ROBO2: variants seen among roughly 807,000 people sequenced by gnomAD.
ROBO2 encodes the protein roundabout guidance receptor 2.
A neutral mutation model predicts 160.8 loss-of-function variants in ROBO2; 53 were observed. The ratio of observed to expected loss-of-function variants is 0.33; its 90% CI spans 0.26 to 0.41. ROBO2 has a LOEUF of 0.41. Among genes scored for constraint, ROBO2 ranks in the 10% least tolerant of loss-of-function variants. The pLI is 1.00. For missense variants in ROBO2, 1,577 were observed against 1,722.4 expected, an observed-to-expected ratio of 0.92 and a Z score of 1.49; for synonymous variants, 664 against 611.7, an observed-to-expected ratio of 1.09 and a Z score of -1.26.
chr3:76,807,300 A>G (rs947838349), intron 2 of ROBO2, among the ~76,000 whole-genome samples: 2 of 152,046 alleles, frequency 1.3e-5, no homozygotes, highest in Non-Finnish European at 2.9e-5. Flanking sequence ...AGGACCCTGT[A>G]ACAAATTAGT....
chr3:77,093,330 TC>T (rs748034142), intron 1 of ROBO2, among the ~76,000 whole-genome samples: 35 of 152,146 alleles, frequency 2.3e-4, no homozygotes, highest in Non-Finnish European at 4.1e-4. Context: ...TCATGGCACT[TC>T]CTGTGATGAA....
At chr3:76,491,086 A>G (rs1374828275) in intron 2 of ROBO2, among the ~76,000 whole-genome samples, 1 of 151,924 alleles carries the variant, frequency 6.6e-6, no homozygotes, top group Non-Finnish European at 1.5e-5. Context: ...CAGCCTCCTA[A>G]GTAGCTGGGA....
intron 2 of ROBO2, among the ~76,000 whole-genome samples, chr3:75,997,747 C>A (rs2065773604): frequency 6.6e-6 from 1 of 152,066 alleles, no homozygotes; most frequent in African/African-American, 2.4e-5. Context: ...CCCACCTTGG[C>A]CTCCCAAAGT....
chr3:77,493,100 G>A (rs545590505), intron 4 of ROBO2, 144 bp from the exon 5 acceptor site: 102 of 749,498 alleles, frequency 1.4e-4, no homozygotes, highest in Non-Finnish European at 2.0e-4. Context: ...GATTCACAAG[G>A]CCTTATTAAA....
intron 2 of ROBO2, among the ~76,000 whole-genome samples, chr3:77,106,855 C>T (rs969275611): frequency 3.3e-5 from 5 of 151,964 alleles, no homozygotes; most frequent in Non-Finnish European, 7.4e-5. Flanking sequence ...GTCACTGTCT[C>T]CCAAAAAATA....
chr3:76,861,861 G>T (rs976684755), intron 2 of ROBO2, among the ~76,000 whole-genome samples: 1 of 152,128 alleles, frequency 6.6e-6, no homozygotes, highest in Non-Finnish European at 1.5e-5. Flanking sequence ...TTAATTGACT[G>T]CTGTGTCATA....
Position 77,290,504 on chromosome 3 carries a change from A to T in ROBO2, c.389-186910A>T, listed in dbSNP as rs1179682219. ...TAGAGCACTAAAGACATAAAGTAAAATTGACGGTTAAACGGGTAATCTGAG... is the reference window on the plus strand; with the variant it reads ...TAGAGCACTAAAGACATAAAGTAAATTTGACGGTTAAACGGGTAATCTGAG... On this transcript the variant is annotated intron_variant, in intron 2 of 25. Transcript: ENST00000461745. Among the ~76,000 whole-genome samples the T allele has an allele frequency of 2.2e-4, 2 of 9,246 alleles. 1 individual carries two copies. The highest frequency in any genetic ancestry group is 3.0e-4 in the African/African-American group (2 of 6,582). 6.1% of individuals were successfully genotyped at this position (9,246 alleles called of 152,430 possible).
intron 2 of ROBO2, among the ~76,000 whole-genome samples, chr3:77,447,945 G>C (rs1001114253): frequency 6.6e-6 from 1 of 152,060 alleles, no homozygotes; most frequent in African/African-American, 2.4e-5. Context: ...CTTGCTCATT[G>C]TACATAAAGA....
chr3:77,005,732 A>G (rs2061546767), intron 2 of ROBO2, among the ~76,000 whole-genome samples: 1 of 152,190 alleles, frequency 6.6e-6, no homozygotes, highest in Non-Finnish European at 1.5e-5. Flanking sequence ...ATGATTTCTG[A>G]GGAAACCCGA....
intron 2 of ROBO2, among the ~76,000 whole-genome samples, chr3:76,661,645 C>T (rs910562888): frequency 2.0e-5 from 3 of 152,066 alleles, no homozygotes; most frequent in Admixed American, 6.6e-5. Flanking sequence ...AGAGTTGTTT[C>T]GTCCAAAGAG....
intron 1 of ROBO2, among the ~76,000 whole-genome samples, chr3:77,046,381 A>C (rs1179323474): frequency 6.6e-6 from 1 of 152,200 alleles, no homozygotes; most frequent in African/African-American, 2.4e-5. Context: ...TTGTCTTCTA[A>C]GTCTTCCTCA....
chr3:76,516,327 A>C (rs1284015237), intron 2 of ROBO2, among the ~76,000 whole-genome samples: 1 of 152,174 alleles, frequency 6.6e-6, no homozygotes, highest in African/African-American at 2.4e-5. Flanking sequence ...GTTCATACCA[A>C]GAATGAATCT....
chr3:77,237,521 TC>T (rs2088251996), intron 2 of ROBO2, among the ~76,000 whole-genome samples: 1 of 151,290 alleles, frequency 6.6e-6, no homozygotes. Flanking sequence ...CACCTTGGGC[TC>T]CCAAAATGTT....
intron 1 of ROBO2, among the ~76,000 whole-genome samples, chr3:77,056,038 A>G (rs2065710863): frequency 6.6e-6 from 1 of 152,236 alleles, no homozygotes; most frequent in African/African-American, 2.4e-5. Flanking sequence ...TATCTCACAC[A>G]AAGAGAAAAA....
chr3:77,187,741 C>T (rs1279749577), intron 2 of ROBO2, among the ~76,000 whole-genome samples: 1 of 151,482 alleles, frequency 6.6e-6, no homozygotes, highest in Non-Finnish European at 1.5e-5. Context: ...ATTTTCAGTC[C>T]CCAAAAGTTC....
rs745320885 is a variant in ROBO2 at position 77,596,791 on chromosome 3, CTCTCT to C, written c.2854+43_2854+47del. 4.2e-5 allele frequency: 64 copies of C among 1,523,278 alleles called. No homozygotes were observed. In the Admixed American group the frequency reaches 9.1e-4, roughly 22 times the overall value. 94.4% of individuals were successfully genotyped at this position (1,523,278 alleles called of 1,614,324 possible). On this transcript the variant is annotated intron_variant, in intron 19 of 25. Transcript: ENST00000461745. ...TAAAATAGTGTTATTTGAGTTCTCT[CTCTCT>C]TTTTTTTTTTTTGACCTTCCTGGAT...
Position 77,625,808 on chromosome 3 carries a change from A to G in ROBO2, c.3760+3376A>G, listed in dbSNP as rs699453. 9.2e-5 allele frequency among the ~76,000 whole-genome samples: 14 copies of G among 152,364 alleles called. 1 individual carries two copies. The highest frequency in any genetic ancestry group is 2.2e-4 in the African/African-American group (9 of 41,592). On this transcript the variant is annotated intron_variant, in intron 23 of 25. Transcript: ENST00000461745. ...AACAAACAAAAACTAAGAAGAATGT[A>G]TGACAGAGACAGCAAAGCCTAAAAT...
intron 8 of ROBO2, among the ~76,000 whole-genome samples, chr3:77,555,646 T>C (rs138611093): frequency 1.4e-3 from 218 of 152,074 alleles, no homozygotes; most frequent in Non-Finnish European, 2.0e-3. Context: ...ATAGAGCCAA[T>C]AGAAGTTAAA....
chr3:76,451,623 A>G (rs575455697), intron 2 of ROBO2, among the ~76,000 whole-genome samples: 5 of 152,296 alleles, frequency 3.3e-5, no homozygotes, highest in African/African-American at 1.2e-4. Flanking sequence ...CAAAGAATTT[A>G]TATTTCCATT....
Sources: allele counts gnomAD v4.1 joint callset (sites outside exome capture counted in the v4.1 genomes callset), GRCh38; gene constraint gnomAD v4.1.1; transcripts MANE v1.5; gene names NCBI Gene and HGNC (gene_info 2026-07-23, HGNC 2026-07-21).